BICC1: variants seen among roughly 807,000 people sequenced by gnomAD.
The protein encoded by BICC1 is BicC family RNA binding protein 1, also known as protein bicaudal C homolog 1.
BICC1 carries 43 observed loss-of-function variants against 111.0 expected under a neutral mutation model. That is an observed-to-expected ratio of 0.39 (90% confidence interval 0.30 to 0.50). BICC1 has a LOEUF of 0.50. BICC1 is among the 20% of genes least tolerant of loss of function. BICC1 has a pLI of 0.88. For missense variants in BICC1, 1,091 were observed against 1,203.2 expected (o/e 0.91, Z 1.38); for synonymous variants, 467 against 434.4 (o/e 1.07, Z -0.93).
At chr10:58,693,585 T>TGA (rs1839978135) in intron 2 of BICC1, among the ~76,000 whole-genome samples, 1 of 152,148 alleles carries the variant, frequency 6.6e-6, no homozygotes, top group Non-Finnish European at 1.5e-5. Flanking sequence ...TCATTGTGGT[T>TGA]TTGATTTGCA....
At chr10:58,786,807 A>G (rs1318093169) in intron 4 of BICC1, 116 bp from the exon 5 acceptor site, 1 of 600,056 alleles carries the variant, frequency 1.7e-6, no homozygotes, top group Non-Finnish European at 2.6e-6. Flanking sequence ...TTATTAAGAA[A>G]TAAGATTTCC....
chr10:58,668,232 G>T (rs1484519644), intron 2 of BICC1, among the ~76,000 whole-genome samples: 1 of 151,886 alleles, frequency 6.6e-6, no homozygotes, highest in East Asian at 1.9e-4. Context: ...TATTGCCTTG[G>T]GCCAGGTGCA....
intron 1 of BICC1, among the ~76,000 whole-genome samples, chr10:58,554,297 G>C (rs1843381029): frequency 6.6e-6 from 1 of 152,116 alleles, no homozygotes; most frequent in South Asian, 2.1e-4. Flanking sequence ...CTGTTTTATT[G>C]TCGAACCCTG....
chr10:58,594,347 C>T (rs896451737), intron 1 of BICC1, among the ~76,000 whole-genome samples: 4 of 151,954 alleles, frequency 2.6e-5, no homozygotes, highest in East Asian at 1.9e-4. Flanking sequence ...TAAGACAGGT[C>T]GACATTCAAA....
chr10:58,639,735 T>TG (rs1165164297), intron 2 of BICC1, among the ~76,000 whole-genome samples: 1 of 144,518 alleles, frequency 6.9e-6, no homozygotes, highest in Non-Finnish European at 1.5e-5. Context: ...TTTTTTTTTT[T>TG]TTTTTTTGAG....
chr10:58,793,738 C>G (rs1164289766), intron 9 of BICC1, 123 bp downstream of exon 9: 2 of 1,066,216 alleles, frequency 1.9e-6, no homozygotes, highest in Admixed American at 2.8e-5. Flanking sequence ...TTGAATATCC[C>G]CAATCCGGAA....
chr10:58,519,901 TA>T (rs141246764), intron 1 of BICC1, among the ~76,000 whole-genome samples: 3,730 of 152,304 alleles, frequency 0.024, 71 homozygotes, highest in Non-Finnish European at 0.04. Flanking sequence ...TTTCACTTTT[TA>T]TTATCTTAAG....
In BICC1 at chr10:58,812,275, T is replaced by TAAG. The variant is rs1241432588; in HGVS notation, c.2377-1555_2377-1554insAAG. ...GGAAGGAGGAACCAAGGATGACCCTTGGACTTTTGGCTGGAGCAGCTGGGT... is the reference window on the plus strand; with the variant it reads ...GGAAGGAGGAACCAAGGATGACCCTTAAGGGACTTTTGGCTGGAGCAGCTGGGT... On this transcript the variant is annotated intron_variant, in intron 17 of 20. Coordinates refer to ENST00000373886, the MANE Select transcript of BICC1 (RefSeq NM_001080512.3). Among the ~76,000 whole-genome samples, 3 of 151,910 alleles carry TAAG rather than the reference T, an allele frequency of 2.0e-5. No homozygotes were observed. In the East Asian group the frequency reaches 5.8e-4, roughly 29 times the overall value.
At chr10:58,572,640 C>G (rs1843994730) in intron 1 of BICC1, among the ~76,000 whole-genome samples, 1 of 151,984 alleles carries the variant, frequency 6.6e-6, no homozygotes, top group Non-Finnish European at 1.5e-5. Flanking sequence ...AATTGAAAAG[C>G]ACAAAAGTCT....
chr10:58,824,665 T>TTG (rs772093774), intron 20 of BICC1, among the ~76,000 whole-genome samples: 29 of 152,046 alleles, frequency 1.9e-4, no homozygotes, highest in African/African-American at 5.3e-4. Flanking sequence ...AGGGGATTGA[T>TTG]TGTGTGTGTG....
chr10:58,600,272 G>C lies in BICC1; in HGVS notation c.191-20583G>C, dbSNP rs575704516. ...TTGGCTTGTGATTATCCTCATAAAA[G>C]GTGCTTAATTGGAAGCCTCACAGCT... On this transcript the variant is annotated intron_variant, in intron 1 of 20. Transcript: ENST00000373886. 6.8e-4 allele frequency among the ~76,000 whole-genome samples: 104 copies of C among 152,184 alleles called. 1 individual carries two copies. The South Asian group carries it at 0.021, about 31-fold the overall frequency.
intron 2 of BICC1, among the ~76,000 whole-genome samples, chr10:58,629,883 C>T (rs562220934): frequency 6.6e-6 from 1 of 152,298 alleles, no homozygotes; most frequent in Non-Finnish European, 1.5e-5. Flanking sequence ...CCTTTAGGCA[C>T]TGTTATTCAA....
At chr10:58,707,354 G>C (rs530464551) in intron 3 of BICC1, among the ~76,000 whole-genome samples, 1 of 152,172 alleles carries the variant, frequency 6.6e-6, no homozygotes, top group African/African-American at 2.4e-5. Flanking sequence ...TACTTAAAGG[G>C]CTGAGGGCAC....
intron 6 of BICC1, among the ~76,000 whole-genome samples, chr10:58,788,736 C>T (rs1027669193): frequency 2.0e-5 from 3 of 152,086 alleles, no homozygotes; most frequent in East Asian, 3.9e-4. Context: ...AGGAAAAATG[C>T]CACAGGCAAT....
chr10:58,681,023 C>A (rs780520859), intron 2 of BICC1, among the ~76,000 whole-genome samples: 30 of 152,166 alleles, frequency 2.0e-4, no homozygotes, highest in Non-Finnish European at 3.1e-4. Context: ...AAAATTAACT[C>A]AAGATGGATT....
chr10:58,613,187 C>T (rs757848774), intron 1 of BICC1, among the ~76,000 whole-genome samples: 53 of 152,242 alleles, frequency 3.5e-4, no homozygotes, highest in Non-Finnish European at 5.6e-4. Context: ...AATTTATTCC[C>T]GGAGTTGTGT....
chr10:58,580,171 C>A (rs1005577626), intron 1 of BICC1, among the ~76,000 whole-genome samples: 1 of 151,940 alleles, frequency 6.6e-6, no homozygotes, highest in Non-Finnish European at 1.5e-5. Context: ...TTACAGGCAC[C>A]CACCATCACA....
intron 2 of BICC1, among the ~76,000 whole-genome samples, chr10:58,640,476 A>T (rs1742722865): frequency 6.6e-6 from 1 of 152,236 alleles, no homozygotes; most frequent in Non-Finnish European, 1.5e-5. Flanking sequence ...TTTTAAATAA[A>T]TTATGGACTG....
intron 1 of BICC1, 104 bp from the exon 2 acceptor site, chr10:58,620,751 G>A: frequency 2.9e-6 from 3 of 1,047,814 alleles, no homozygotes; most frequent in East Asian, 2.4e-5. Context: ...GGGAGAGCAA[G>A]GCTGGCATCT....
Sources: gnomAD v4.1 joint callset for allele counts (sites outside exome capture counted in the v4.1 genomes callset) on GRCh38, gnomAD v4.1.1 for gene constraint, MANE v1.5 for transcripts, NCBI Gene and HGNC (gene_info 2026-07-23, HGNC 2026-07-21) for gene names.